The following MTMR12 variants were observed in gnomAD, a reference collection of about 807,000 sequenced individuals.
MTMR12 encodes the protein myotubularin-related protein 12.
A neutral mutation model predicts 96.7 loss-of-function variants in MTMR12; 33 were observed. The ratio of observed to expected loss-of-function variants is 0.34; its 90% CI spans 0.26 to 0.46. The LOEUF is 0.46. Ranked by LOEUF, MTMR12 falls within the 20% of genes least tolerant of loss-of-function variation. MTMR12 has a pLI of 1.00. For synonymous variants in MTMR12, 298 were observed against 327.2 expected (o/e 0.91, Z 0.96); for missense variants, 721 against 896.1 (o/e 0.80, Z 2.49).
intron 1 of MTMR12, among the ~76,000 whole-genome samples, chr5:32,299,890 C>T (rs976085779): frequency 1.8e-4 from 28 of 152,064 alleles, no homozygotes; most frequent in African/African-American, 6.3e-4. Context: ...CTACATTATC[C>T]CCCTCCTCCC....
At chr5:32,300,463 C>T in intron 1 of MTMR12, among the ~76,000 whole-genome samples, 1 of 152,128 alleles carries the variant, frequency 6.6e-6, no homozygotes, top group East Asian at 1.9e-4. Flanking sequence ...GTTTCCATCC[C>T]CAGACTCCTA....
intron 10 of MTMR12, among the ~76,000 whole-genome samples, chr5:32,245,971 C>T (rs530488730): frequency 6.6e-6 from 1 of 152,304 alleles, no homozygotes; most frequent in East Asian, 1.9e-4. Flanking sequence ...TGGACCACTT[C>T]CACCTCTCGG....
At chr5:32,239,248 T>C (rs1748364242) in intron 12 of MTMR12, 75 bp from the exon 13 acceptor site, 1 of 1,405,504 alleles carries the variant, frequency 7.1e-7, no homozygotes, top group African/African-American at 1.4e-5. Flanking sequence ...ATGCTCTCAC[T>C]TGCACAGTTA....
Position 32,261,888 on chromosome 5 carries a change from G to C in MTMR12, c.713+1225C>G, listed in dbSNP as rs936033628. Among the ~76,000 whole-genome samples the C allele has an allele frequency of 3.3e-5, 5 of 152,244 alleles. 1 individual carries two copies. Among genetic ancestry groups the C allele is most frequent in the Admixed American group, 3.3e-4 (5 of 15,290 alleles). ...GAGATCAAGACCATCCTGGCTAACA[G>C]GGTGAAACCCTGTCTCTACTAAAAA... On this transcript the variant is annotated intron_variant, in intron 7 of 15. Transcript: ENST00000382142.
intron 6 of MTMR12, among the ~76,000 whole-genome samples, chr5:32,267,058 C>A (rs564675469): frequency 3.6e-4 from 55 of 151,964 alleles, no homozygotes; most frequent in African/African-American, 1.2e-3. Flanking sequence ...CTAGCCTGGG[C>A]AACAGAGCAA....
Position 32,233,087 on chromosome 5 carries a change from C to T in MTMR12, c.1674+686G>A. The T allele has an allele frequency of 1.1e-6, 1 of 906,138 alleles. No homozygotes were observed. Among genetic ancestry groups the T allele is most frequent in the Non-Finnish European group, 1.3e-6 (1 of 757,676 alleles). The allele number at this position is 906,138 out of a possible 1,614,324, so 56.1% of individuals were successfully genotyped here. A position where few individuals can be genotyped will look rare whatever the true frequency, so the allele number is the denominator to read the frequency against. On this transcript the variant is annotated intron_variant, in intron 15 of 15. Coordinates refer to ENST00000382142, the MANE Select transcript of MTMR12 (RefSeq NM_001040446.3). This position sits in a 1 kb window ranked among gnomAD's most constrained non-coding sequence, Gnocchi z 5.0. ...TGGGATTATCAACTAAAATGACTTT[C>T]TGACATTTGTGGCTCATAGCATAGG...
intron 10 of MTMR12, among the ~76,000 whole-genome samples, chr5:32,244,327 C>T (rs888848807): frequency 1.3e-5 from 2 of 150,418 alleles, no homozygotes; most frequent in South Asian, 2.1e-4. Context: ...TGGTGGCTCA[C>T]GCCTGTAATC....
chr5:32,259,317 C>T lies in MTMR12; in HGVS notation c.714-3549G>A, dbSNP rs141270316. ...CCACAGGGCCACATACCATCCTATG[C>T]GTTTACAGGGAAGTGGGATGGGAGA... On this transcript the variant is annotated intron_variant, in intron 7 of 15. Transcript: ENST00000382142. Among the ~76,000 whole-genome samples, 36 of 152,240 alleles carry T rather than the reference C, an allele frequency of 2.4e-4. No homozygotes were observed. In the East Asian group the frequency reaches 6.0e-3, roughly 25 times the overall value.
chr5:32,246,176 T>TTTTTTTTGTTTTTG lies in MTMR12; in HGVS notation c.1021+1825_1021+1826insCAAAAACAAAAAAA, dbSNP rs1554056263. Among the ~76,000 whole-genome samples the TTTTTTTTGTTTTTG allele has an allele frequency of 2.6e-3, 391 of 149,098 alleles. 4 individuals carry two copies. Among genetic ancestry groups the TTTTTTTTGTTTTTG allele is most frequent in the African/African-American group, 9.4e-3 (370 of 39,394 alleles). Reference sequence around the variant, plus strand: ...GGTGCCTATTGAGTAGACAGTTTTTTTTTTTTTTGAGATGGAGTCTTGCTC... The same window carrying TTTTTTTTGTTTTTG: ...GGTGCCTATTGAGTAGACAGTTTTTTTTTTTTTGTTTTTGTTTTTTTTGAGATGGAGTCTTGCTC... On this transcript the variant is annotated intron_variant, in intron 10 of 15. Coordinates refer to ENST00000382142, the MANE Select transcript of MTMR12 (RefSeq NM_001040446.3).
chr5:32,241,694 A>G (rs1748481615), intron 12 of MTMR12, among the ~76,000 whole-genome samples: 1 of 152,238 alleles, frequency 6.6e-6, no homozygotes, highest in Non-Finnish European at 1.5e-5. Context: ...TATAAAAATA[A>G]CAACCAAGTC....
At chr5:32,296,212 T>A (rs56227241) in intron 1 of MTMR12, 37,983 of 153,860 alleles carry the variant, frequency 0.25, 5,506 homozygotes, top group East Asian at 0.4. Context: ...ACACAGTGGC[T>A]AACGTCTGTA....
intron 1 of MTMR12, among the ~76,000 whole-genome samples, chr5:32,307,720 G>A (rs1021850539): frequency 3.3e-5 from 5 of 152,110 alleles, no homozygotes; most frequent in Non-Finnish European, 7.4e-5. Context: ...TACGCTGTCC[G>A]ATGCCAGTCC....
At chr5:32,246,598 G>A (rs1469274677) in intron 10 of MTMR12, among the ~76,000 whole-genome samples, 9 of 152,128 alleles carry the variant, frequency 5.9e-5, no homozygotes, top group Non-Finnish European at 1.3e-4. Context: ...TTTTTTCCTC[G>A]CAAATTAACG....
intron 1 of MTMR12, among the ~76,000 whole-genome samples, chr5:32,286,870 T>A (rs987299200): frequency 2.6e-5 from 4 of 152,194 alleles, no homozygotes; most frequent in African/African-American, 9.7e-5. Context: ...CGAGTTCACA[T>A]GCTCTTTTAT....
At chr5:32,232,973 C>T in intron 15 of MTMR12, 1 of 985,310 alleles carries the variant, frequency 1.0e-6, no homozygotes, top group Non-Finnish European at 1.2e-6. Flanking sequence ...TCACTGCTCT[C>T]TCCTTTGTGG....
chr5:32,279,252 A>G (rs938376826), intron 1 of MTMR12, among the ~76,000 whole-genome samples: 1 of 151,928 alleles, frequency 6.6e-6, no homozygotes, highest in African/African-American at 2.4e-5. Context: ...CAAAACAAAC[A>G]AACAAAAAAA....
intron 7 of MTMR12, among the ~76,000 whole-genome samples, chr5:32,259,556 A>G (rs1431037704): frequency 6.6e-6 from 1 of 152,222 alleles, no homozygotes; most frequent in Non-Finnish European, 1.5e-5. Context: ...CTGAGGACAT[A>G]ACAATGGGCA....
intron 1 of MTMR12, among the ~76,000 whole-genome samples, chr5:32,306,071 T>C (rs940119521): frequency 5.3e-5 from 8 of 152,004 alleles, no homozygotes; most frequent in African/African-American, 4.8e-5. Flanking sequence ...AAAAAAGAAA[T>C]TGCTACTAGA....
intron 8 of MTMR12, among the ~76,000 whole-genome samples, chr5:32,252,715 C>T (rs1350078072): frequency 6.6e-6 from 1 of 152,164 alleles, no homozygotes; most frequent in Non-Finnish European, 1.5e-5. Flanking sequence ...TTACCAATTA[C>T]CTGTTACTGT....
Sources: gnomAD v4.1 joint callset for allele counts (sites outside exome capture counted in the v4.1 genomes callset) on GRCh38, gnomAD v4.1.1 for gene constraint, Gnocchi (gnomAD v3.1) non-coding constraint, MANE v1.5 for transcripts, NCBI Gene and HGNC (gene_info 2026-07-23, HGNC 2026-07-21) for gene names.